PLD5: variants seen among roughly 807,000 people sequenced by gnomAD.
PLD5 encodes the protein phospholipase D family member 5, also known as inactive phospholipase D5.
In PLD5, 36 loss-of-function variants were observed where a neutral mutation model predicts 61.1. The observed-to-expected ratio is 0.59, with a 90% CI of 0.45 to 0.78. The LOEUF (loss-of-function observed/expected upper bound fraction) is 0.78, where lower values mean the gene tolerates loss of function less well. PLD5 is among the 30% of genes least tolerant of loss of function. The pLI is 0.00. For missense variants in PLD5, 515 were observed against 644.4 expected (o/e 0.80, Z 2.17); for synonymous variants, 243 against 242.8 (o/e 1.00, Z -0.01).
intron 5 of PLD5, among the ~76,000 whole-genome samples, chr1:242,129,403 G>A (rs1311136868): frequency 6.6e-6 from 1 of 152,202 alleles, no homozygotes; most frequent in Non-Finnish European, 1.5e-5. Context: ...CTAGTTTTAC[G>A]TATTAGTTCA....
At chr1:242,291,721 G>T (rs1482909539) in intron 2 of PLD5, among the ~76,000 whole-genome samples, 1 of 152,070 alleles carries the variant, frequency 6.6e-6, no homozygotes, top group Non-Finnish European at 1.5e-5. Flanking sequence ...CAGGAGAATG[G>T]CATGAACCCT....
intron 1 of PLD5, among the ~76,000 whole-genome samples, chr1:242,490,528 C>A (rs78921421): frequency 0.012 from 1,861 of 152,246 alleles, 44 homozygotes; most frequent in African/African-American, 0.042. Context: ...TTCTTAATAA[C>A]ATATATTTTT....
chr1:242,334,672 C>T (rs985367923), intron 2 of PLD5, among the ~76,000 whole-genome samples: 3 of 152,058 alleles, frequency 2.0e-5, no homozygotes, highest in African/African-American at 7.2e-5. Flanking sequence ...CCAAAATATG[C>T]CACTTTGGCA....
In PLD5 at chr1:242,242,078, G is replaced by C. The variant is rs551316147; in HGVS notation, c.608-21963C>G. Among the ~76,000 whole-genome samples, 297 of 148,048 alleles carry C rather than the reference G, an allele frequency of 2.0e-3. 3 individuals carry two copies. Among genetic ancestry groups the C allele is most frequent in the African/African-American group, 7.1e-3 (286 of 40,184 alleles). On this transcript the variant is annotated intron_variant, in intron 4 of 9. Transcript: ENST00000536534. ...GATGGAGAGAAGGATGTGGAGAATTGACAAAATGATCATTAAAAAATCCAA... is the reference window on the plus strand; with the variant it reads ...GATGGAGAGAAGGATGTGGAGAATTCACAAAATGATCATTAAAAAATCCAA...
At chr1:242,335,922 T>G (rs1021562984) in intron 2 of PLD5, among the ~76,000 whole-genome samples, 1 of 152,204 alleles carries the variant, frequency 6.6e-6, no homozygotes, top group African/African-American at 2.4e-5. Context: ...TGATGTTATT[T>G]ATTTTGTTAC....
At chr1:242,158,271 C>T (rs1340812201) in intron 5 of PLD5, among the ~76,000 whole-genome samples, 1 of 152,130 alleles carries the variant, frequency 6.6e-6, no homozygotes, top group Non-Finnish European at 1.5e-5. Flanking sequence ...CCCGCTGAAC[C>T]AGACCACTTG....
At chr1:242,284,329 G>A (rs1310693652) in intron 3 of PLD5, among the ~76,000 whole-genome samples, 2 of 151,566 alleles carry the variant, frequency 1.3e-5, no homozygotes, top group African/African-American at 2.4e-5. Context: ...TACAGACGGG[G>A]TTTCACCATG....
At chr1:242,230,612 A>C (rs1671238295) in intron 4 of PLD5, among the ~76,000 whole-genome samples, 1 of 152,240 alleles carries the variant, frequency 6.6e-6, no homozygotes. Context: ...ACGGGGAAAC[A>C]TGAAAGGGTG....
chr1:242,410,425 A>G (rs555652225), intron 1 of PLD5, among the ~76,000 whole-genome samples: 110 of 151,526 alleles, frequency 7.3e-4, no homozygotes, highest in Non-Finnish European at 1.2e-3. Flanking sequence ...TTTTTTTCCA[A>G]TCTCTAGAGA....
intron 4 of PLD5, among the ~76,000 whole-genome samples, chr1:242,242,264 T>C (rs429360): frequency 0.95 from 144,157 of 151,974 alleles, 68,841 homozygotes; most frequent in East Asian, 1. Context: ...CATTTCATCA[T>C]GATATACACC....
intron 4 of PLD5, among the ~76,000 whole-genome samples, chr1:242,239,629 G>A (rs1671865378): frequency 6.6e-6 from 1 of 152,144 alleles, no homozygotes; most frequent in Admixed American, 6.5e-5. Context: ...CTACCAACAA[G>A]CAGCGGGAGG....
chr1:242,102,105 G>A (rs562597491), intron 8 of PLD5, among the ~76,000 whole-genome samples: 1 of 152,256 alleles, frequency 6.6e-6, no homozygotes, highest in East Asian at 1.9e-4. Context: ...ATGTTCATGA[G>A]GTCACATGAA....
intron 7 of PLD5, among the ~76,000 whole-genome samples, chr1:242,112,271 C>T (rs1014424403): frequency 6.7e-6 from 1 of 148,558 alleles, no homozygotes; most frequent in Admixed American, 6.7e-5. Flanking sequence ...CCATGAATGT[C>T]CAAAGGATGC....
chr1:242,307,135 T>C (rs1676416673), intron 2 of PLD5, among the ~76,000 whole-genome samples: 1 of 152,206 alleles, frequency 6.6e-6, no homozygotes, highest in African/African-American at 2.4e-5. Flanking sequence ...AGTTGGATTC[T>C]CCTGTATTTT....
At chr1:242,402,653 A>C (rs906489750) in intron 1 of PLD5, among the ~76,000 whole-genome samples, 1 of 152,312 alleles carries the variant, frequency 6.6e-6, no homozygotes, top group South Asian at 2.1e-4. Context: ...TTCATTTGCT[A>C]TGCTCACATA....
At chr1:242,470,235 G>A (rs965951005) in intron 1 of PLD5, among the ~76,000 whole-genome samples, 2 of 152,108 alleles carry the variant, frequency 1.3e-5, no homozygotes, top group Non-Finnish European at 2.9e-5. Context: ...CCAGCTACTC[G>A]GGAGGCTGAG....
At chr1:242,236,542 T>C (rs1433160819) in intron 4 of PLD5, among the ~76,000 whole-genome samples, 3 of 148,912 alleles carry the variant, frequency 2.0e-5, no homozygotes, top group South Asian at 4.3e-4. Context: ...AAAAAAATAA[T>C]AAAAACAACA....
At chr1:242,419,831 A>C (rs1162205443) in intron 1 of PLD5, among the ~76,000 whole-genome samples, 2 of 152,124 alleles carry the variant, frequency 1.3e-5, no homozygotes, top group Non-Finnish European at 2.9e-5. Context: ...TGTTTCAAAC[A>C]CAGCTTTGGT....
chr1:242,308,892 T>G (rs1372737593), intron 2 of PLD5, among the ~76,000 whole-genome samples: 1 of 152,168 alleles, frequency 6.6e-6, no homozygotes, highest in Admixed American at 6.5e-5. Flanking sequence ...GAACATGCCA[T>G]GTATCCTCTT....
Sources: allele counts gnomAD v4.1 joint callset (sites outside exome capture counted in the v4.1 genomes callset), GRCh38; gene constraint gnomAD v4.1.1; transcripts MANE v1.5; gene names NCBI Gene and HGNC (gene_info 2026-07-23, HGNC 2026-07-21).